HCN1: variants seen among roughly 807,000 people sequenced by gnomAD.
HCN1 encodes hyperpolarization activated cyclic nucleotide gated potassium channel 1, also known as potassium/sodium hyperpolarization-activated cyclic nucleotide-gated channel 1.
Under a neutral mutation model 78.9 loss-of-function variants are expected in HCN1, and 13 were observed. That is an observed-to-expected ratio of 0.16 (90% CI 0.11 to 0.26). HCN1 has a LOEUF of 0.26. Ranked by LOEUF, HCN1 falls within the 10% of genes least tolerant of loss-of-function variation. HCN1 has a pLI of 1.00. For synonymous variants in HCN1, 552 were observed against 455.5 expected (o/e 1.21, Z -2.70); for missense variants, 810 against 1,154.3 (o/e 0.70, Z 4.32).
intron 2 of HCN1, among the ~76,000 whole-genome samples, chr5:45,515,543 C>T (rs1022948854): frequency 1.3e-5 from 2 of 151,830 alleles, no homozygotes; most frequent in African/African-American, 4.8e-5. Flanking sequence ...AAAGAGATAC[C>T]AAATTTATCT....
chr5:45,457,741 C>T (rs937355881), intron 3 of HCN1, among the ~76,000 whole-genome samples: 2 of 152,078 alleles, frequency 1.3e-5, no homozygotes, highest in African/African-American at 2.4e-5. Flanking sequence ...TCCCCTACCA[C>T]GGCATAAGGA....
At chr5:45,314,388 G>A (rs923116935) in intron 5 of HCN1, among the ~76,000 whole-genome samples, 2 of 152,128 alleles carry the variant, frequency 1.3e-5, no homozygotes, top group African/African-American at 2.4e-5. Context: ...GGAACGACCG[G>A]TACCAGCCAT....
At chr5:45,551,449 T>A (rs1285008734) in intron 2 of HCN1, among the ~76,000 whole-genome samples, 2 of 151,270 alleles carry the variant, frequency 1.3e-5, no homozygotes, top group Non-Finnish European at 3.0e-5. Flanking sequence ...ATGAATGATA[T>A]CCCAAGATAC....
At chr5:45,631,780 GA>G (rs539792403) in intron 2 of HCN1, among the ~76,000 whole-genome samples, 63 of 152,068 alleles carry the variant, frequency 4.1e-4, no homozygotes, top group Non-Finnish European at 7.2e-4. Context: ...TGTTTCTTTG[GA>G]AAAAAATGAA....
chr5:45,642,891 G>A (rs1745481223), intron 2 of HCN1: 1 of 151,968 alleles, frequency 6.6e-6, no homozygotes, highest in Non-Finnish European at 1.5e-5. Context: ...TTACTAATGG[G>A]CATTAAATAC....
At chr5:45,678,533 A>C (rs1004029846) in intron 1 of HCN1, among the ~76,000 whole-genome samples, 1 of 151,860 alleles carries the variant, frequency 6.6e-6, no homozygotes, top group African/African-American at 2.4e-5. Flanking sequence ...TTTGTGGCTA[A>C]AGTTTTAGAG....
rs554129067 is a variant in HCN1 at position 45,314,382 on chromosome 5, C to T, written c.1378-10543G>A. 1.6e-4 allele frequency among the ~76,000 whole-genome samples: 25 copies of T among 152,250 alleles called. 1 individual carries two copies. Among genetic ancestry groups the T allele is most frequent in the South Asian group, 4.1e-4 (2 of 4,822 alleles). On this transcript the variant is annotated intron_variant, in intron 5 of 7. Coordinates refer to ENST00000303230, the MANE Select transcript of HCN1 (RefSeq NM_021072.4). ...AAGAAGCACTAAACATGGAAAGGAA[C>T]GACCGGTACCAGCCATTGCAAAAAC... is the stretch of plus-strand genomic sequence containing the variant.
intron 2 of HCN1, among the ~76,000 whole-genome samples, chr5:45,499,110 C>G (rs536627418): frequency 6.6e-6 from 1 of 152,250 alleles, no homozygotes; most frequent in African/African-American, 2.4e-5. Flanking sequence ...TGGGCTCCAC[C>G]CAGTTCAGGT....
chr5:45,372,207 T>TATTA (rs1747406895), intron 4 of HCN1, among the ~76,000 whole-genome samples: 1 of 71,596 alleles, frequency 1.4e-5, no homozygotes, highest in African/African-American at 6.3e-5. Context: ...ATAATACATA[T>TATTA]TATATAATAT....
intron 5 of HCN1, among the ~76,000 whole-genome samples, chr5:45,337,131 G>C (rs546329211): frequency 6.6e-6 from 1 of 151,754 alleles, no homozygotes; most frequent in Non-Finnish European, 1.5e-5. Context: ...CTTCCTCTTC[G>C]CCCCACCATC....
chr5:45,347,189 C>G (rs1295371930), intron 5 of HCN1, among the ~76,000 whole-genome samples: 1 of 152,192 alleles, frequency 6.6e-6, no homozygotes, highest in Admixed American at 6.5e-5. Context: ...AACGATCAGA[C>G]AGCAGAATTT....
intron 3 of HCN1, among the ~76,000 whole-genome samples, chr5:45,423,638 T>A (rs1246847614): frequency 2.6e-5 from 4 of 152,210 alleles, no homozygotes; most frequent in Non-Finnish European, 5.9e-5. Flanking sequence ...TTTCTTAGAC[T>A]TGCTATACAA....
chr5:45,563,286 C>A (rs989646138), intron 2 of HCN1, among the ~76,000 whole-genome samples: 1 of 151,880 alleles, frequency 6.6e-6, no homozygotes, highest in African/African-American at 2.4e-5. Context: ...CCCGTCTCCA[C>A]TAAAATTACA....
chr5:45,470,554 C>T (rs1023977394), intron 2 of HCN1, among the ~76,000 whole-genome samples: 3 of 151,848 alleles, frequency 2.0e-5, no homozygotes, highest in African/African-American at 7.2e-5. Flanking sequence ...CATCATAATG[C>T]TCCACCAATT....
At chr5:45,628,520 T>A (rs1745211366) in intron 2 of HCN1, among the ~76,000 whole-genome samples, 1 of 152,158 alleles carries the variant, frequency 6.6e-6, no homozygotes, top group East Asian at 1.9e-4. Context: ...TATTAATAAG[T>A]ATACAATTCA....
At chr5:45,523,658 C>G (rs1402078947) in intron 2 of HCN1, among the ~76,000 whole-genome samples, 1 of 152,116 alleles carries the variant, frequency 6.6e-6, no homozygotes, top group Non-Finnish European at 1.5e-5. Context: ...TAAATGTCTT[C>G]TTTTGAGAGG....
At chr5:45,659,928 C>G (rs1447172768) in intron 1 of HCN1, among the ~76,000 whole-genome samples, 3 of 144,850 alleles carry the variant, frequency 2.1e-5, no homozygotes, top group South Asian at 2.3e-4. Context: ...GGCAGGCCAA[C>G]GTTCAGATTC....
At chr5:45,348,377 G>A (rs1449443347) in intron 5 of HCN1, among the ~76,000 whole-genome samples, 3 of 152,090 alleles carry the variant, frequency 2.0e-5, no homozygotes, top group Non-Finnish European at 4.4e-5. Context: ...CACTAAACAT[G>A]GAAAGGAACG....
At position 45,425,411 on chromosome 5, in the gene HCN1, G is replaced by A. The variant is rs569488925; in HGVS notation, c.1012-28701C>T. Among the ~76,000 whole-genome samples the A allele has an allele frequency of 4.6e-5, 7 of 152,182 alleles. No individual in the cohort carries two copies. In the South Asian group the frequency reaches 1.2e-3, roughly 27 times the overall value. On this transcript the variant is annotated intron_variant, in intron 3 of 7. Transcript: ENST00000303230. Reference sequence around the variant, plus strand: ...TACAAAAGTGCATAAAATAACTCTAGGATAATTCTTGTTAACATATTAGTA... The same window carrying A: ...TACAAAAGTGCATAAAATAACTCTAAGATAATTCTTGTTAACATATTAGTA...
Sources: allele counts gnomAD v4.1 joint callset (sites outside exome capture counted in the v4.1 genomes callset), GRCh38; gene constraint gnomAD v4.1.1; transcripts MANE v1.5; gene names NCBI Gene and HGNC (gene_info 2026-07-23, HGNC 2026-07-21).